LRRC4C: variants seen among roughly 807,000 people sequenced by gnomAD.
The protein encoded by LRRC4C is leucine-rich repeat-containing protein 4C.
In LRRC4C, 5 loss-of-function variants were observed where a neutral mutation model predicts 33.6. The ratio of observed to expected loss-of-function variants is 0.15; its 90% confidence interval spans 0.08 to 0.31. LRRC4C has a LOEUF of 0.31. LRRC4C is among the 10% of genes least tolerant of loss of function. The probability of loss-of-function intolerance (pLI) is 1.00; values close to 1 mark genes in which losing one functional copy is unlikely to be tolerated. For synonymous variants in LRRC4C, 329 were observed against 302.0 expected (o/e 1.09, Z -0.93); for missense variants, 560 against 796.7 (o/e 0.70, Z 3.58).
At chr11:40,316,838 T>G (rs948673906) in intron 4 of LRRC4C, among the ~76,000 whole-genome samples, 1 of 151,948 alleles carries the variant, frequency 6.6e-6, no homozygotes, top group African/African-American at 2.4e-5. Context: ...CAGATAGCCT[T>G]GAATTTCTGA....
rs550065308 is a variant in LRRC4C at position 41,113,353 on chromosome 11, T to C, written c.-495-179630A>G. Among the ~76,000 whole-genome samples the C allele has an allele frequency of 2.6e-5, 4 of 152,168 alleles. No individual in the cohort carries two copies. In the East Asian group the frequency reaches 7.7e-4, roughly 29 times the overall value. On this transcript the variant is annotated intron_variant, in intron 1 of 6. Coordinates refer to ENST00000528697, the MANE Select transcript of LRRC4C (RefSeq NM_001258419.2). ...CTCCTGCTGATGCTGTTGGGGAAGA[T>C]GACAGCTTAATCATGTCTGCCCAGC...
At chr11:40,618,402 A>G (rs769947450) in intron 3 of LRRC4C, among the ~76,000 whole-genome samples, 8 of 151,658 alleles carry the variant, frequency 5.3e-5, no homozygotes, top group Non-Finnish European at 1.0e-4. Flanking sequence ...CAGAGCCTCT[A>G]TAATGAACCA....
At chr11:41,127,166 T>C (rs557899247) in intron 1 of LRRC4C, among the ~76,000 whole-genome samples, 1 of 152,202 alleles carries the variant, frequency 6.6e-6, no homozygotes, top group East Asian at 1.9e-4. Flanking sequence ...ATAATTCTTA[T>C]ATTTATATTC....
At chr11:41,253,400 G>A (rs1948703567) in intron 1 of LRRC4C, among the ~76,000 whole-genome samples, 1 of 152,004 alleles carries the variant, frequency 6.6e-6, no homozygotes, top group South Asian at 2.1e-4. Context: ...ATTTAAACCT[G>A]TACTTCTGAA....
At chr11:40,987,863 G>T (rs1417855986) in intron 1 of LRRC4C, among the ~76,000 whole-genome samples, 2 of 151,726 alleles carry the variant, frequency 1.3e-5, no homozygotes, top group Non-Finnish European at 2.9e-5. Context: ...TGCCATGCTG[G>T]TCTCTTGTCT....
At chr11:40,683,348 C>T (rs535242132) in intron 2 of LRRC4C, among the ~76,000 whole-genome samples, 8 of 152,168 alleles carry the variant, frequency 5.3e-5, no homozygotes, top group South Asian at 4.1e-4. Flanking sequence ...TTATTTAGAA[C>T]GTATGTTCAA....
chr11:41,445,099 G>A lies in LRRC4C; in HGVS notation c.-496+14332C>T, dbSNP rs185958442. On this transcript the variant is annotated intron_variant, in intron 1 of 6. Transcript: ENST00000528697. The stretch of plus-strand genomic sequence containing the variant: ...ATTACAGGCATGAGCCACCACGCCC[G>A]ACATCTAACTTAATTTCTATTCTTT... Among the ~76,000 whole-genome samples the A allele has an allele frequency of 7.2e-5, 11 of 152,142 alleles. No homozygotes were observed. In the South Asian group the frequency reaches 1.7e-3, roughly 23 times the overall value.
At chr11:40,260,519 CA>C (rs1867623575) in intron 4 of LRRC4C, among the ~76,000 whole-genome samples, 3 of 150,034 alleles carry the variant, frequency 2.0e-5, no homozygotes, top group African/African-American at 7.4e-5. Flanking sequence ...CTAACCTGCA[CA>C]TTGTGCACAT....
chr11:40,405,307 A>G (rs1408751091), intron 3 of LRRC4C, among the ~76,000 whole-genome samples: 1 of 151,992 alleles, frequency 6.6e-6, no homozygotes, highest in African/African-American at 2.4e-5. Flanking sequence ...CCAGCTAGAG[A>G]TATTCCCCAA....
intron 2 of LRRC4C, among the ~76,000 whole-genome samples, chr11:40,921,442 C>A (rs888470183): frequency 1.3e-5 from 2 of 152,128 alleles, no homozygotes; most frequent in Non-Finnish European, 2.9e-5. Flanking sequence ...AGTCCTACAG[C>A]TGCAAAGAGC....
chr11:40,680,307 T>TTGGACTG (rs1944619399), intron 2 of LRRC4C, among the ~76,000 whole-genome samples: 1 of 152,194 alleles, frequency 6.6e-6, no homozygotes, highest in Non-Finnish European at 1.5e-5. Flanking sequence ...GGATGAGACT[T>TTGGACTG]TGGACTGTGG....
chr11:40,801,120 G>A lies in LRRC4C; in HGVS notation c.-407+132515C>T, dbSNP rs923040742. ...TCCATAGTCACAATGAATCACTCTC[G>A]CATAAAGAAAAACAAATGTAGATAT... On this transcript the variant is annotated intron_variant, in intron 2 of 6. Coordinates refer to ENST00000528697, the MANE Select transcript of LRRC4C (RefSeq NM_001258419.2). Among the ~76,000 whole-genome samples the A allele has an allele frequency of 1.1e-4, 17 of 151,948 alleles. 1 individual carries two copies. Among genetic ancestry groups the A allele is most frequent in the Admixed American group, 9.8e-4 (15 of 15,252 alleles).
rs569861771 is a variant in LRRC4C at position 40,789,796 on chromosome 11, C to A, written c.-406-141518G>T. 5.3e-5 allele frequency among the ~76,000 whole-genome samples: 8 copies of A among 152,264 alleles called. 2 individuals carry two copies. The South Asian group carries it at 1.7e-3, about 32-fold the overall frequency. ...TAATGAAGAATACAAGCAAAATATT[C>A]TCTAGGTTTTGGGGACTCACAATCC... is the stretch of plus-strand genomic sequence containing the variant. On this transcript the variant is annotated intron_variant, in intron 2 of 6. Transcript: ENST00000528697.
chr11:40,496,216 G>T (rs1477238133), intron 3 of LRRC4C, among the ~76,000 whole-genome samples: 1 of 152,096 alleles, frequency 6.6e-6, no homozygotes, highest in Non-Finnish European at 1.5e-5. Flanking sequence ...TGATCTACAT[G>T]AATTATTTTA....
At chr11:41,316,424 T>C (rs1195226435) in intron 1 of LRRC4C, among the ~76,000 whole-genome samples, 1 of 152,150 alleles carries the variant, frequency 6.6e-6, no homozygotes, top group East Asian at 1.9e-4. Flanking sequence ...CAATCCTCAT[T>C]GACTAAAGCA....
intron 1 of LRRC4C, among the ~76,000 whole-genome samples, chr11:41,363,018 T>C (rs1417208170): frequency 1.3e-5 from 2 of 152,192 alleles, no homozygotes; most frequent in Non-Finnish European, 2.9e-5. Context: ...ATGGGAGCCA[T>C]TATTCATGCT....
At chr11:41,274,790 G>GT (rs1382996111) in intron 1 of LRRC4C, among the ~76,000 whole-genome samples, 3 of 152,092 alleles carry the variant, frequency 2.0e-5, no homozygotes, top group African/African-American at 4.8e-5. Flanking sequence ...TTTAAGAGCT[G>GT]TAACAGTCAC....
At chr11:41,072,434 G>A (rs1182316008) in intron 1 of LRRC4C, among the ~76,000 whole-genome samples, 2 of 151,970 alleles carry the variant, frequency 1.3e-5, no homozygotes, top group Non-Finnish European at 2.9e-5. Flanking sequence ...AATAATGGGG[G>A]TGGACTTCCC....
intron 1 of LRRC4C, among the ~76,000 whole-genome samples, chr11:41,024,257 T>C (rs1188952947): frequency 6.6e-6 from 1 of 151,722 alleles, no homozygotes; most frequent in Non-Finnish European, 1.5e-5. Context: ...TGTTTTTACA[T>C]CCTGATAAAA....
Sources: gnomAD v4.1 joint callset for allele counts (sites outside exome capture counted in the v4.1 genomes callset) on GRCh38, gnomAD v4.1.1 for gene constraint, MANE v1.5 for transcripts, NCBI Gene and HGNC (gene_info 2026-07-23, HGNC 2026-07-21) for gene names.